The following CUX2 variants were observed in gnomAD, a reference collection of about 807,000 sequenced individuals.
CUX2 encodes homeobox protein cut-like 2.
A neutral mutation model predicts 144.8 loss-of-function variants in CUX2; 40 were observed. The observed-to-expected ratio is 0.28, with a 90% CI of 0.21 to 0.36. The LOEUF (loss-of-function observed/expected upper bound fraction) is 0.36, where lower values mean the gene tolerates loss of function less well. CUX2 is among the 10% of genes least tolerant of loss of function. The pLI is 1.00. For missense variants in CUX2, 1,615 were observed against 1,994.0 expected, an observed-to-expected ratio of 0.81 and a Z score of 3.62; for synonymous variants, 827 against 875.6, an observed-to-expected ratio of 0.94 and a Z score of 0.98.
chr12:111,167,673 T>G (rs181184217), intron 1 of CUX2, among the ~76,000 whole-genome samples: 131 of 124,332 alleles, frequency 1.1e-3, no homozygotes, highest in African/African-American at 1.5e-3. Flanking sequence ...GCCCTGGGTT[T>G]GTTTGTTTGT....
chr12:111,321,439 A>AGC (rs1431164548), intron 17 of CUX2, among the ~76,000 whole-genome samples: 19 of 152,044 alleles, frequency 1.2e-4, no homozygotes, highest in Admixed American at 8.5e-4. Context: ...ACTGTGCTCC[A>AGC]GCCTGGGTGA....
chr12:111,055,987 A>T (rs1279631456), intron 1 of CUX2, among the ~76,000 whole-genome samples: 1 of 152,194 alleles, frequency 6.6e-6, no homozygotes, highest in Non-Finnish European at 1.5e-5. Context: ...CTTCTGTAAC[A>T]TGGGGCTTCC....
intron 3 of CUX2, among the ~76,000 whole-genome samples, chr12:111,240,005 A>G (rs556559037): frequency 6.6e-6 from 1 of 152,356 alleles, no homozygotes; most frequent in Admixed American, 6.5e-5. Context: ...GCTTCACAGC[A>G]GAATTGGTTA....
At chr12:111,288,739 G>C (rs1885526000) in intron 4 of CUX2, among the ~76,000 whole-genome samples, 1 of 152,130 alleles carries the variant, frequency 6.6e-6, no homozygotes, top group Non-Finnish European at 1.5e-5. Context: ...AAGGTGGGTG[G>C]ATCACCTGAG....
chr12:111,286,861 C>A (rs1037031645), intron 4 of CUX2, among the ~76,000 whole-genome samples: 1 of 152,064 alleles, frequency 6.6e-6, no homozygotes, highest in Non-Finnish European at 1.5e-5. Flanking sequence ...AGAGCAAGAC[C>A]TTGTCTCTAA....
chr12:111,194,358 C>G (rs1352837568), intron 1 of CUX2, among the ~76,000 whole-genome samples: 1 of 152,186 alleles, frequency 6.6e-6, no homozygotes, highest in Admixed American at 6.5e-5. Flanking sequence ...AGGCTAGACC[C>G]GAGTTTGCAA....
At chr12:111,051,984 A>G (rs1434215350) in intron 1 of CUX2, among the ~76,000 whole-genome samples, 1 of 152,060 alleles carries the variant, frequency 6.6e-6, no homozygotes, top group East Asian at 1.9e-4. Flanking sequence ...TAATTTCAGC[A>G]TGCCTTTCAT....
chr12:111,066,808 C>G (rs1871040609), intron 1 of CUX2, among the ~76,000 whole-genome samples: 1 of 152,200 alleles, frequency 6.6e-6, no homozygotes, highest in Non-Finnish European at 1.5e-5. Flanking sequence ...CTTTTACAAG[C>G]TGTGTGATCT....
intron 21 of CUX2, 85 bp downstream of exon 21, chr12:111,342,138 A>T: frequency 6.8e-7 from 1 of 1,478,748 alleles, no homozygotes; most frequent in Non-Finnish European, 9.1e-7. Flanking sequence ...AGGGAGCCCC[A>T]CATGGCCTCT....
At chr12:111,298,937 T>A (rs1390627605) in intron 9 of CUX2, among the ~76,000 whole-genome samples, 1 of 152,200 alleles carries the variant, frequency 6.6e-6, no homozygotes, top group African/African-American at 2.4e-5. Context: ...ACCCAAAGAA[T>A]AAATGACAGC....
intron 1 of CUX2, among the ~76,000 whole-genome samples, chr12:111,150,879 G>A (rs1010804552): frequency 1.3e-5 from 2 of 152,002 alleles, no homozygotes; most frequent in Admixed American, 6.6e-5. Flanking sequence ...TTATTATTTC[G>A]CAGCAATGGT....
chr12:111,169,771 T>C (rs1355116396), intron 1 of CUX2, among the ~76,000 whole-genome samples: 2 of 152,236 alleles, frequency 1.3e-5, no homozygotes, highest in Admixed American at 6.5e-5. Flanking sequence ...TATTTACTCA[T>C]TAGCTGATAA....
intron 1 of CUX2, among the ~76,000 whole-genome samples, chr12:111,156,442 A>G (rs1877379685): frequency 6.6e-6 from 1 of 152,198 alleles, no homozygotes; most frequent in Non-Finnish European, 1.5e-5. Flanking sequence ...TTGATTTTCT[A>G]GAACCTGTTT....
chr12:111,336,153 G>A (rs73199878), intron 19 of CUX2, among the ~76,000 whole-genome samples: 12 of 152,236 alleles, frequency 7.9e-5, no homozygotes, highest in Non-Finnish European at 1.5e-4. Context: ...GTCCTCACCC[G>A]GTGCTGAAGT....
chr12:111,100,386 G>A (rs1190847623), intron 1 of CUX2, among the ~76,000 whole-genome samples: 1 of 148,910 alleles, frequency 6.7e-6, no homozygotes, highest in African/African-American at 2.5e-5. Flanking sequence ...CTATCTCTGT[G>A]TGTGCACTCA....
chr12:111,197,426 G>A (rs372987752), intron 1 of CUX2, among the ~76,000 whole-genome samples: 2 of 152,182 alleles, frequency 1.3e-5, no homozygotes, highest in Non-Finnish European at 1.5e-5. Flanking sequence ...GGGACTTTGC[G>A]GTGGCCACTG....
chr12:111,098,379 G>A (rs1050834122), intron 1 of CUX2, among the ~76,000 whole-genome samples: 4 of 149,942 alleles, frequency 2.7e-5, no homozygotes, highest in African/African-American at 4.9e-5. Flanking sequence ...CAGCCTGAGC[G>A]ACAGAGCGAG....
chr12:111,310,410 C>T lies in CUX2; in HGVS notation c.1628C>T (p.Ala543Val), dbSNP rs1197431912. 5 of 1,609,808 alleles carry T rather than the reference C, an allele frequency of 3.1e-6. No homozygotes were observed. The highest frequency in any genetic ancestry group is 3.3e-5 in the Admixed American group (2 of 59,918). ...PEPADGGGGG[A>V]AGPGAEEEQL... ...CCCGCGGATGGTGGTGGGGGCGGAG[C>T]GGCGGGGCCCGGGGCAGAGGAGGAG... Residue 543 changes from alanine to valine, a missense_variant, in exon 15 of 22, where the codon GCG becomes GTG. This residue lies in a region of CUX2 where 154 missense variants were observed against 148.4 expected (regional missense o/e 1.04). Coordinates refer to ENST00000261726, the MANE Select transcript of CUX2 (RefSeq NM_015267.4). The surrounding 1 kb of genome is among the most constrained non-coding windows in gnomAD (Gnocchi z 7.9).
Position 111,287,434 on chromosome 12 carries a change from C to T in CUX2, c.302-3984C>T, listed in dbSNP as rs1487496530. On this transcript the variant is annotated intron_variant, in intron 4 of 21. Coordinates refer to ENST00000261726, the MANE Select transcript of CUX2 (RefSeq NM_015267.4). The surrounding 1 kb of genome is among the most constrained non-coding windows in gnomAD (Gnocchi z 4.2). ...CCTTTTTTCCTCCTGTCTCAAAAAC[C>T]GGGACACAATAGGAAGCGTTTCCTT... Among the ~76,000 whole-genome samples, 3 of 152,230 alleles carry T rather than the reference C, an allele frequency of 2.0e-5. No individual in the cohort carries two copies. The highest frequency in any genetic ancestry group is 2.9e-5 in the Non-Finnish European group (2 of 68,044).
Sources: allele counts gnomAD v4.1 joint callset (sites outside exome capture counted in the v4.1 genomes callset), GRCh38; gene constraint gnomAD v4.1.1; regional missense constraint gnomAD v4.1.1; non-coding constraint Gnocchi (gnomAD v3.1); transcripts MANE v1.5; gene names NCBI Gene and HGNC (gene_info 2026-07-23, HGNC 2026-07-21).